EPDR1: variants seen among roughly 807,000 people sequenced by gnomAD.
EPDR1 encodes the protein ependymin related 1, also known as mammalian ependymin-related protein 1.
Under a neutral mutation model 23.7 loss-of-function variants are expected in EPDR1, and 27 were observed. The observed-to-expected ratio is 1.14, with a 90% CI of 0.84 to 1.57. The LOEUF (loss-of-function observed/expected upper bound fraction) is 1.57. Ranked by LOEUF, EPDR1 falls within the 40% of genes most tolerant of loss-of-function variation. The pLI, the probability that EPDR1 is intolerant of heterozygous loss-of-function variation, is 0.00. For missense variants in EPDR1, 349 were observed against 290.4 expected, an observed-to-expected ratio of 1.20 and a Z score of -1.47; for synonymous variants, 137 against 118.2, an observed-to-expected ratio of 1.16 and a Z score of -1.03.
chr7:37,945,136 T>C (rs1786247619), intron 1 of EPDR1, among the ~76,000 whole-genome samples: 1 of 152,222 alleles, frequency 6.6e-6, no homozygotes, highest in Non-Finnish European at 1.5e-5. Context: ...GGGTTAATGT[T>C]GCTGTGTTTC....
intron 1 of EPDR1, among the ~76,000 whole-genome samples, chr7:37,932,245 T>C (rs182416780): frequency 6.6e-6 from 1 of 152,314 alleles, no homozygotes; most frequent in Admixed American, 6.5e-5. Flanking sequence ...GTTTTTGCCA[T>C]AGTCAATCTG....
At chr7:37,933,683 G>A (rs1250705823) in intron 1 of EPDR1, among the ~76,000 whole-genome samples, 4 of 152,096 alleles carry the variant, frequency 2.6e-5, no homozygotes, top group Admixed American at 6.5e-5. Context: ...GCCAAGCTCC[G>A]GTATTTGGGG....
At chr7:37,945,506 G>A (rs919987428) in intron 1 of EPDR1, among the ~76,000 whole-genome samples, 10 of 152,098 alleles carry the variant, frequency 6.6e-5, no homozygotes, top group African/African-American at 2.4e-4. Context: ...ACAATGATGT[G>A]CTTCATAATG....
intron 1 of EPDR1, chr7:37,921,498 C>A: frequency 7.5e-7 from 1 of 1,337,922 alleles, no homozygotes; most frequent in Non-Finnish European, 9.5e-7. Context: ...CAGAGTGCCC[C>A]ATGCCCAGGT....
At chr7:37,935,667 A>C (rs1456386804) in intron 1 of EPDR1, among the ~76,000 whole-genome samples, 1 of 152,026 alleles carries the variant, frequency 6.6e-6, no homozygotes, top group Non-Finnish European at 1.5e-5. Flanking sequence ...TAAGAAAACT[A>C]GAAAGTTTTT....
chr7:37,922,190 T>C (rs1453536256), intron 1 of EPDR1, among the ~76,000 whole-genome samples: 1 of 152,208 alleles, frequency 6.6e-6, no homozygotes. Context: ...GAAACGCCAA[T>C]GGACTGTAAG....
intron 1 of EPDR1, among the ~76,000 whole-genome samples, chr7:37,939,255 A>G (rs1476993250): frequency 6.6e-6 from 1 of 152,140 alleles, no homozygotes; most frequent in African/African-American, 2.4e-5. Context: ...CTGGTATTAC[A>G]GACATGAGCC....
chr7:37,925,701 T>G (rs1562856722), intron 1 of EPDR1, among the ~76,000 whole-genome samples: 1 of 152,192 alleles, frequency 6.6e-6, no homozygotes, highest in African/African-American at 2.4e-5. Flanking sequence ...CCTCTGTGTT[T>G]TTCATCTTTT....
intron 1 of EPDR1, among the ~76,000 whole-genome samples, chr7:37,946,264 G>T (rs893621744): frequency 6.6e-6 from 1 of 152,260 alleles, no homozygotes; most frequent in East Asian, 1.9e-4. Flanking sequence ...GGGATTGGTG[G>T]GTTGATGGTA....
rs1368658478 is a variant in EPDR1 at position 37,950,441 on chromosome 7, G to A, written c.*45G>A. The A allele has an allele frequency of 7.2e-6, 11 of 1,517,846 alleles. No homozygotes were observed. Among genetic ancestry groups the A allele is most frequent in the African/African-American group, 2.8e-5 (2 of 72,348 alleles). 94.0% of individuals were successfully genotyped at this position (1,517,846 alleles called of 1,614,324 possible). The stretch of plus-strand genomic sequence containing the variant: ...GCAGCATCGGATGTCAGCCCCCTGC[G>A]GCCCCAGCTGGAGATGGATATGAGA... On this transcript the variant is annotated 3_prime_UTR_variant, in exon 3 of 3. Coordinates refer to ENST00000199448, the MANE Select transcript of EPDR1 (RefSeq NM_017549.5).
At chr7:37,949,080 C>T in intron 2 of EPDR1, 32 bp downstream of exon 2, 1 of 1,588,740 alleles carries the variant, frequency 6.3e-7, no homozygotes, top group Non-Finnish European at 8.6e-7. Flanking sequence ...GCATTGTATT[C>T]AGCATGCATG....
rs889906717 is a variant in EPDR1 at position 37,944,709 on chromosome 7, C to A, written c.270-4131C>A. ...AACCGTGCCCATTATTCAATTACCT[C>A]CCCCCAGGTCCCTCCCATGACACAT... On this transcript the variant is annotated intron_variant, in intron 1 of 2. Coordinates refer to ENST00000199448, the MANE Select transcript of EPDR1 (RefSeq NM_017549.5). 2.0e-5 allele frequency among the ~76,000 whole-genome samples: 3 copies of A among 152,312 alleles called. No homozygotes were observed. The South Asian group carries it at 6.2e-4, about 32-fold the overall frequency.
At chr7:37,948,419 C>T (rs1172340329) in intron 1 of EPDR1, among the ~76,000 whole-genome samples, 4 of 151,292 alleles carry the variant, frequency 2.6e-5, no homozygotes, top group African/African-American at 7.3e-5. Context: ...TCATGGCTCA[C>T]TGAAGCTTTG....
At chr7:37,929,628 A>T (rs1418063139) in intron 1 of EPDR1, among the ~76,000 whole-genome samples, 1 of 152,106 alleles carries the variant, frequency 6.6e-6, no homozygotes, top group African/African-American at 2.4e-5. Context: ...CAATAAAATG[A>T]TAGATTTATG....
chr7:37,924,619 T>C (rs1314185733), intron 1 of EPDR1, among the ~76,000 whole-genome samples: 1 of 152,210 alleles, frequency 6.6e-6, no homozygotes, highest in African/African-American at 2.4e-5. Context: ...CCTAATCCAA[T>C]AGGTGCTGGT....
chr7:37,946,541 A>T (rs547344761), intron 1 of EPDR1, among the ~76,000 whole-genome samples: 20 of 152,234 alleles, frequency 1.3e-4, no homozygotes, highest in African/African-American at 4.6e-4. Context: ...ACTATATTAT[A>T]CTTTTATCGT....
rs1785683049 is a variant in EPDR1 at position 37,920,998 on chromosome 7, G to T, written c.59G>T (p.Gly20Val). ...GGCGCCCTGGGTGCCTGGCTGCTGG[G>T]CGGCCTCTGGGCCTGGACCCTGTGC... ...VPGALGAWLL[G>V]GLWAWTLCGL... is the part of the protein sequence containing the mutation. The change falls in exon 1 of 3, where the codon GGC (glycine) becomes GTC (valine). Residue 20 changes from glycine to valine, a missense_variant. Transcript: ENST00000199448. The T allele has an allele frequency of 1.3e-6, 2 of 1,530,792 alleles. No homozygotes were observed. The highest frequency in any genetic ancestry group is 8.7e-7 in the Non-Finnish European group (1 of 1,142,974). The allele number at this position is 1,530,792 out of a possible 1,614,324, so 94.8% of individuals were successfully genotyped here.
At chr7:37,939,752 C>A (rs1428896283) in intron 1 of EPDR1, among the ~76,000 whole-genome samples, 1 of 152,162 alleles carries the variant, frequency 6.6e-6, no homozygotes, top group African/African-American at 2.4e-5. Context: ...TAGTCAGATA[C>A]CATTTCTTAT....
At chr7:37,946,051 G>C (rs1786268731) in intron 1 of EPDR1, among the ~76,000 whole-genome samples, 1 of 152,194 alleles carries the variant, frequency 6.6e-6, no homozygotes, top group Admixed American at 6.5e-5. Flanking sequence ...CAAAGGACAT[G>C]ATCTTGTTCC....
Sources: gnomAD v4.1 joint callset for allele counts (sites outside exome capture counted in the v4.1 genomes callset) on GRCh38, gnomAD v4.1.1 for gene constraint, MANE v1.5 for transcripts, NCBI Gene and HGNC (gene_info 2026-07-23, HGNC 2026-07-21) for gene names.